The following DEPTOR variants were observed in gnomAD, a reference collection of about 807,000 sequenced individuals.
DEPTOR encodes the protein DEP domain-containing mTOR-interacting protein.
In DEPTOR, 41 loss-of-function variants were observed where a neutral mutation model predicts 41.6. That is an observed-to-expected ratio of 0.98 (90% CI 0.77 to 1.28). The LOEUF (loss-of-function observed/expected upper bound fraction) is 1.28, where lower values mean the gene tolerates loss of function less well. DEPTOR is among the 50% of genes most tolerant of loss of function. DEPTOR has a pLI of 0.00. For synonymous variants in DEPTOR, 195 were observed against 192.3 expected (o/e 1.01, Z -0.12); for missense variants, 514 against 527.9 (o/e 0.97, Z 0.26).
intron 8 of DEPTOR, among the ~76,000 whole-genome samples, chr8:120,030,333 C>T (rs565164625): frequency 6.6e-6 from 1 of 151,842 alleles, no homozygotes; most frequent in South Asian, 2.1e-4. Context: ...AAAAAAAGTA[C>T]CTGTTTGAAT....
intron 4 of DEPTOR, among the ~76,000 whole-genome samples, chr8:119,978,592 G>C (rs906525283): frequency 5.3e-5 from 8 of 152,112 alleles, no homozygotes; most frequent in Non-Finnish European, 1.0e-4. Flanking sequence ...TTCCATCACA[G>C]ACCTTTTTTC....
chr8:119,902,244 T>A (rs980425628), intron 1 of DEPTOR, among the ~76,000 whole-genome samples: 21 of 152,202 alleles, frequency 1.4e-4, no homozygotes, highest in Non-Finnish European at 2.8e-4. Context: ...ATAAAAAATA[T>A]GCTAAGTGGC....
chr8:119,971,887 A>T (rs1406581762), intron 4 of DEPTOR, among the ~76,000 whole-genome samples: 1 of 152,196 alleles, frequency 6.6e-6, no homozygotes, highest in Non-Finnish European at 1.5e-5. Flanking sequence ...GACTCTCAGA[A>T]GGAAAGCAAG....
intron 4 of DEPTOR, among the ~76,000 whole-genome samples, chr8:119,965,675 G>A (rs551938985): frequency 2.0e-5 from 3 of 152,298 alleles, no homozygotes; most frequent in East Asian, 3.9e-4. Flanking sequence ...GGGCAGGCAG[G>A]TTCTTATAGC....
At chr8:119,898,449 G>A (rs762139710) in intron 1 of DEPTOR, among the ~76,000 whole-genome samples, 4 of 152,158 alleles carry the variant, frequency 2.6e-5, no homozygotes, top group Non-Finnish European at 5.9e-5. Flanking sequence ...TGGGCTGGGT[G>A]TGGTGGCTTA....
Position 120,001,622 on chromosome 8 carries a change from G to C in DEPTOR, c.702G>C (p.Lys234Asn), listed in dbSNP as rs754722750. 5 of 1,613,818 alleles carry C rather than the reference G, an allele frequency of 3.1e-6. No individual in the cohort carries two copies. Among genetic ancestry groups the C allele is most frequent in the Non-Finnish European group, 4.2e-6 (5 of 1,179,978 alleles). ...GACTGATGGAGCTGCTCAATGAAAAGTCCCCCTCCTCCCAGGAAACTCATG... is the reference window on the plus strand; with the variant it reads ...GACTGATGGAGCTGCTCAATGAAAACTCCCCCTCCTCCCAGGAAACTCATG... ...RRRLMELLNE[K>N]SPSSQETHDS... Residue 234 changes from lysine to asparagine, a missense_variant, in exon 5 of 9, where the codon AAG (lysine) becomes AAC (asparagine). Lys to Asn is a moderately conservative substitution (Grantham distance 94). Coordinates refer to ENST00000286234, the MANE Select transcript of DEPTOR (RefSeq NM_022783.4).
At chr8:119,930,696 C>T (rs1828031164) in intron 3 of DEPTOR, among the ~76,000 whole-genome samples, 1 of 152,090 alleles carries the variant, frequency 6.6e-6, no homozygotes, top group Admixed American at 6.6e-5. Flanking sequence ...AGTTTCAGCC[C>T]TTTCAAGAGA....
intron 4 of DEPTOR, among the ~76,000 whole-genome samples, chr8:119,991,030 T>TTTTCTTTCTTTC (rs747315642): frequency 0.067 from 3,602 of 53,430 alleles, 136 homozygotes; most frequent in Middle Eastern, 0.077. Context: ...TCGGGTTTTC[T>TTTTCTTTCTTTC]TTTCTTTCTT....
intron 4 of DEPTOR, among the ~76,000 whole-genome samples, chr8:119,978,621 C>T (rs1828725726): frequency 6.6e-6 from 1 of 152,182 alleles, no homozygotes; most frequent in African/African-American, 2.4e-5. Flanking sequence ...ACCCTTGTGT[C>T]AACCTTGGGT....
chr8:120,006,456 G>A (rs755288967), intron 6 of DEPTOR, among the ~76,000 whole-genome samples: 5 of 151,818 alleles, frequency 3.3e-5, no homozygotes, highest in South Asian at 2.1e-4. Context: ...CCCAGGAGGC[G>A]GAGGTTGCAG....
Position 119,929,859 on chromosome 8 carries a change from C to T in DEPTOR, c.346C>T (p.Arg116Cys), listed in dbSNP as rs201110624. The T allele has an allele frequency of 6.2e-6, 10 of 1,613,678 alleles. No homozygotes were observed. The highest frequency in any genetic ancestry group is 8.5e-6 in the Non-Finnish European group (10 of 1,179,756). ...ATTCAAGGATGTCAAACTCTTCTAC[C>T]GCTTTAGAAAGGATGACGGCACCTT... ...KEFKDVKLFY[R>C]FRKDDGTFPL... Residue 116 changes from arginine (R) to cysteine (C), a missense_variant, in exon 3 of 9, where the codon CGC becomes TGC. Physicochemically the swap from Arg to Cys is radical, Grantham distance 180. Transcript: ENST00000286234.
At chr8:120,015,127 A>T (rs1812589424) in intron 8 of DEPTOR, among the ~76,000 whole-genome samples, 1 of 152,158 alleles carries the variant, frequency 6.6e-6, no homozygotes, top group South Asian at 2.1e-4. Context: ...CCATCACAAT[A>T]GGAATAAACT....
Position 119,914,525 on chromosome 8 carries a change from C to T in DEPTOR, c.123-13875C>T, listed in dbSNP as rs183977230. Among the ~76,000 whole-genome samples the T allele has an allele frequency of 2.0e-3, 303 of 151,950 alleles. 4 individuals are homozygous for T. Among genetic ancestry groups the T allele is most frequent in the African/African-American group, 6.8e-3 (280 of 41,460 alleles). The stretch of plus-strand genomic sequence containing the variant: ...CACGATCTTGGCTCACGGCAACCTC[C>T]GCCTCCCAGGTTCAAGTGATTCTCC... On this transcript the variant is annotated intron_variant, in intron 1 of 8. Transcript: ENST00000286234.
intron 3 of DEPTOR, among the ~76,000 whole-genome samples, chr8:119,946,547 C>T (rs1828280731): frequency 6.6e-6 from 1 of 151,484 alleles, no homozygotes; most frequent in African/African-American, 2.4e-5. Flanking sequence ...TCAACCTGAC[C>T]AACATGCTGA....
intron 6 of DEPTOR, 102 bp from the exon 7 acceptor site, chr8:120,006,703 T>C (rs1812443451): frequency 2.0e-6 from 2 of 1,007,630 alleles, no homozygotes; most frequent in East Asian, 5.0e-5. Flanking sequence ...TTGCCACTTT[T>C]TCTCACTGAT....
At chr8:119,909,929 CAT>C (rs1459068711) in intron 1 of DEPTOR, among the ~76,000 whole-genome samples, 1 of 152,202 alleles carries the variant, frequency 6.6e-6, no homozygotes, top group African/African-American at 2.4e-5. Flanking sequence ...GTATCAGATA[CAT>C]AGAACACTGG....
At chr8:119,994,415 C>T (rs563819845) in intron 4 of DEPTOR, among the ~76,000 whole-genome samples, 3 of 152,282 alleles carry the variant, frequency 2.0e-5, no homozygotes, top group African/African-American at 7.2e-5. Context: ...ACTATAAAAA[C>T]GATCTTTGAC....
chr8:119,987,742 C>A (rs1586646094), intron 4 of DEPTOR, among the ~76,000 whole-genome samples: 1 of 152,156 alleles, frequency 6.6e-6, no homozygotes, highest in Non-Finnish European at 1.5e-5. Flanking sequence ...AGAGAGGCAG[C>A]CTGGCTACAA....
intron 1 of DEPTOR, among the ~76,000 whole-genome samples, chr8:119,923,471 A>T (rs1827924638): frequency 6.6e-6 from 1 of 152,054 alleles, no homozygotes; most frequent in Admixed American, 6.6e-5. Flanking sequence ...TGAACTCCTG[A>T]GGTCAAGTTA....
Sources: allele counts gnomAD v4.1 joint callset (sites outside exome capture counted in the v4.1 genomes callset), GRCh38; gene constraint gnomAD v4.1.1; transcripts MANE v1.5; gene names NCBI Gene and HGNC (gene_info 2026-07-23, HGNC 2026-07-21).